UBE2E3: variants seen among roughly 807,000 people sequenced by gnomAD.
UBE2E3 encodes the protein ubiquitin-conjugating enzyme E2 E3.
In UBE2E3, 5 loss-of-function variants were observed where a neutral mutation model predicts 23.6. That is an observed-to-expected ratio of 0.21 (90% CI 0.11 to 0.44). The LOEUF (loss-of-function observed/expected upper bound fraction) is 0.44. Ranked by LOEUF, UBE2E3 falls within the 20% of genes least tolerant of loss-of-function variation. The pLI, the probability that UBE2E3 is intolerant of heterozygous loss-of-function variation, is 0.99. For synonymous variants in UBE2E3, 78 were observed against 87.5 expected (o/e 0.89, Z 0.60); for missense variants, 81 against 249.8 (o/e 0.32, Z 4.55).
chr2:180,993,365 T>C (rs866648439), intron 3 of UBE2E3, among the ~76,000 whole-genome samples: 2 of 152,200 alleles, frequency 1.3e-5, no homozygotes, highest in East Asian at 3.8e-4. Flanking sequence ...GGACTAGTTA[T>C]GCCATTCCAA....
chr2:180,991,352 A>G (rs1684654162), intron 3 of UBE2E3, among the ~76,000 whole-genome samples: 1 of 152,198 alleles, frequency 6.6e-6, no homozygotes, highest in African/African-American at 2.4e-5. Context: ...AAGGGTTACA[A>G]ATTAGGCACA....
chr2:180,999,899 T>C (rs1055857126), intron 3 of UBE2E3, among the ~76,000 whole-genome samples: 2 of 149,994 alleles, frequency 1.3e-5, no homozygotes, highest in African/African-American at 4.9e-5. Context: ...AAAGCAGTTA[T>C]ATGGACAAAT....
chr2:181,029,775 A>C (rs1307689692), intron 3 of UBE2E3, among the ~76,000 whole-genome samples: 2 of 136,658 alleles, frequency 1.5e-5, no homozygotes, highest in Non-Finnish European at 3.3e-5. Context: ...TAAACTTGTC[A>C]TCTTTAATAT....
intron 3 of UBE2E3, among the ~76,000 whole-genome samples, chr2:181,022,206 ATAGT>A (rs1205516421): frequency 2.0e-5 from 3 of 152,032 alleles, no homozygotes; most frequent in African/African-American, 7.3e-5. Context: ...ATGAATGTTA[ATAGT>A]TATTTTATAG....
At chr2:181,015,122 G>A (rs970462683) in intron 3 of UBE2E3, among the ~76,000 whole-genome samples, 29 of 152,054 alleles carry the variant, frequency 1.9e-4, no homozygotes, top group African/African-American at 6.8e-4. Context: ...GATGGAAGGG[G>A]TTCACAACTT....
chr2:180,993,780 A>T (rs1239669723), intron 3 of UBE2E3, among the ~76,000 whole-genome samples: 1 of 152,186 alleles, frequency 6.6e-6, no homozygotes, highest in African/African-American at 2.4e-5. Flanking sequence ...ATCTCAGAAG[A>T]TTGTGGCTAC....
intron 3 of UBE2E3, among the ~76,000 whole-genome samples, chr2:181,030,098 C>G (rs1276087359): frequency 1.3e-5 from 2 of 152,082 alleles, no homozygotes; most frequent in East Asian, 3.9e-4. Context: ...TCCCAAAGTG[C>G]TGCGATTACA....
At chr2:181,035,709 G>A (rs1034763407) in intron 3 of UBE2E3, among the ~76,000 whole-genome samples, 12 of 151,888 alleles carry the variant, frequency 7.9e-5, no homozygotes, top group Non-Finnish European at 1.3e-4. Flanking sequence ...TAAGCTCATC[G>A]GGTGTCATTA....
intron 3 of UBE2E3, among the ~76,000 whole-genome samples, chr2:181,051,915 ATC>A (rs895535643): frequency 4.6e-5 from 7 of 151,830 alleles, no homozygotes; most frequent in Admixed American, 3.3e-4. Flanking sequence ...AAAATTTTGT[ATC>A]TGTTTTTAAG....
chr2:180,985,564 C>G (rs927461727), intron 3 of UBE2E3, among the ~76,000 whole-genome samples: 2 of 152,020 alleles, frequency 1.3e-5, no homozygotes, highest in Non-Finnish European at 2.9e-5. Flanking sequence ...CATTGTATTT[C>G]TATTGAACAG....
At chr2:181,012,370 A>C (rs1345116305) in intron 3 of UBE2E3, among the ~76,000 whole-genome samples, 1 of 151,690 alleles carries the variant, frequency 6.6e-6, no homozygotes, top group Non-Finnish European at 1.5e-5. Flanking sequence ...TGTCTTATTT[A>C]CATTATTTTC....
At chr2:180,993,810 A>G (rs1451791404) in intron 3 of UBE2E3, among the ~76,000 whole-genome samples, 3 of 152,154 alleles carry the variant, frequency 2.0e-5, no homozygotes, top group East Asian at 3.8e-4. Flanking sequence ...ATGGCTTCCT[A>G]TTGCTTTCTG....
At chr2:180,992,167 C>T (rs1334221734) in intron 3 of UBE2E3, among the ~76,000 whole-genome samples, 2 of 151,998 alleles carry the variant, frequency 1.3e-5, no homozygotes, top group African/African-American at 4.8e-5. Context: ...CTTAAGAGTT[C>T]TTTTCTCTTA....
At chr2:181,034,221 T>TGC (rs1686186790) in intron 3 of UBE2E3, among the ~76,000 whole-genome samples, 1 of 152,202 alleles carries the variant, frequency 6.6e-6, no homozygotes, top group Non-Finnish European at 1.5e-5. Flanking sequence ...TAAAGACACA[T>TGC]ACACATGTAT....
chr2:181,062,720 A>G (rs1687196242), intron 5 of UBE2E3, 71 bp from the exon 6 acceptor site: 3 of 776,460 alleles, frequency 3.9e-6, no homozygotes, highest in Non-Finnish European at 6.0e-6. Context: ...TTTCATTTTA[A>G]TAGAATATTA....
chr2:181,036,936 C>G (rs1686309531), intron 3 of UBE2E3, among the ~76,000 whole-genome samples: 1 of 152,138 alleles, frequency 6.6e-6, no homozygotes. Context: ...GTTGCAGTTT[C>G]CAAGAACCTA....
intron 3 of UBE2E3, among the ~76,000 whole-genome samples, chr2:181,036,805 G>T (rs1686303154): frequency 6.6e-6 from 1 of 152,082 alleles, no homozygotes; most frequent in Non-Finnish European, 1.5e-5. Context: ...GAAATATTTT[G>T]GTCTTTATTT....
intron 3 of UBE2E3, among the ~76,000 whole-genome samples, chr2:181,029,983 G>T (rs1001683709): frequency 1.3e-5 from 2 of 151,572 alleles, no homozygotes; most frequent in African/African-American, 4.8e-5. Flanking sequence ...ACAGGCGCCC[G>T]CCACCATGCC....
chr2:181,029,839 C>T (rs1162032610), intron 3 of UBE2E3, among the ~76,000 whole-genome samples: 21 of 131,944 alleles, frequency 1.6e-4, no homozygotes, highest in African/African-American at 5.1e-4. Flanking sequence ...AATTCGGTCC[C>T]TTTTTTTTTT....
Sources: gnomAD v4.1 joint callset for allele counts (sites outside exome capture counted in the v4.1 genomes callset) on GRCh38, gnomAD v4.1.1 for gene constraint, MANE v1.5 for transcripts, NCBI Gene and HGNC (gene_info 2026-07-23, HGNC 2026-07-21) for gene names.